The following CCDC102B variants were observed in gnomAD, a reference collection of about 807,000 sequenced individuals.
CCDC102B encodes coiled-coil domain-containing protein 102B.
Under a neutral mutation model 57.4 loss-of-function variants are expected in CCDC102B, and 75 were observed. That is an observed-to-expected ratio of 1.31 (90% CI 1.08 to 1.58). CCDC102B has a LOEUF of 1.58. CCDC102B is among the 40% of genes most tolerant of loss of function. The pLI is 0.00. For synonymous variants in CCDC102B, 206 were observed against 201.9 expected (o/e 1.02, Z -0.17); for missense variants, 636 against 582.6 (o/e 1.09, Z -0.94).
chr18:68,731,849 T>C (rs2032880956), intron 2 of CCDC102B, among the ~76,000 whole-genome samples: 1 of 147,370 alleles, frequency 6.8e-6, no homozygotes, highest in Non-Finnish European at 1.5e-5. Context: ...TCTACTTCAG[T>C]AAAAGTACAG....
chr18:68,805,397 A>T (rs190793714), intron 1 of CCDC102B, among the ~76,000 whole-genome samples: 92 of 152,298 alleles, frequency 6.0e-4, no homozygotes, highest in Middle Eastern at 3.4e-3. Flanking sequence ...TCAAAGCCTG[A>T]TCAAGAGTGT....
At chr18:69,004,933 A>G (rs1322675907) in intron 6 of CCDC102B, among the ~76,000 whole-genome samples, 1 of 152,234 alleles carries the variant, frequency 6.6e-6, no homozygotes, top group African/African-American at 2.4e-5. Flanking sequence ...TAAGACGGAT[A>G]AAATGCTCTT....
intron 1 of CCDC102B, among the ~76,000 whole-genome samples, chr18:68,823,795 C>T (rs1299233652): frequency 2.0e-5 from 3 of 151,856 alleles, no homozygotes; most frequent in Non-Finnish European, 4.4e-5. Flanking sequence ...ATTTGTATTT[C>T]CCTGATGGTT....
chr18:68,917,143 G>A (rs2145095047), intron 6 of CCDC102B, among the ~76,000 whole-genome samples: 1 of 152,174 alleles, frequency 6.6e-6, no homozygotes, highest in East Asian at 1.9e-4. Context: ...GTATCTTTCT[G>A]AGAAAACTGA....
intron 7 of CCDC102B, among the ~76,000 whole-genome samples, chr18:69,011,818 C>CTGTT (rs2051526685): frequency 6.6e-6 from 1 of 151,492 alleles, no homozygotes; most frequent in Non-Finnish European, 1.5e-5. Flanking sequence ...ACCCATAGTT[C>CTGTT]CCTGGTTAGA....
intron 2 of CCDC102B, among the ~76,000 whole-genome samples, chr18:68,736,528 G>A (rs1222018642): frequency 2.6e-5 from 4 of 152,176 alleles, no homozygotes; most frequent in African/African-American, 9.7e-5. Context: ...TCTAATATGA[G>A]ATAAGCATAT....
chr18:68,828,644 A>G (rs1202674415), intron 1 of CCDC102B, among the ~76,000 whole-genome samples: 1 of 151,696 alleles, frequency 6.6e-6, no homozygotes, highest in Non-Finnish European at 1.5e-5. Context: ...AATCAAGCCA[A>G]TAATCTAAGT....
chr18:68,783,577 C>T (rs1278204582), intron 2 of CCDC102B, among the ~76,000 whole-genome samples: 1 of 152,134 alleles, frequency 6.6e-6, no homozygotes, highest in African/African-American at 2.4e-5. Context: ...AGATATTCTA[C>T]CAGATACTTT....
chr18:68,933,195 G>A (rs1179672600), intron 6 of CCDC102B, among the ~76,000 whole-genome samples: 1 of 151,854 alleles, frequency 6.6e-6, no homozygotes, highest in African/African-American at 2.4e-5. Context: ...TGTTAGTGGA[G>A]AATTGGGTTT....
rs770668683 is a variant in CCDC102B, at chr18:69,009,924, A to ATTTTTTTTTTTTTTTT, written c.1264-1000_1264-985dup. 4.1e-3 allele frequency among the ~76,000 whole-genome samples: 137 copies of ATTTTTTTTTTTTTTTT among 33,530 alleles called. 39 individuals carry two copies. Among genetic ancestry groups the ATTTTTTTTTTTTTTTT allele is most frequent in the East Asian group, 0.02 (14 of 710 alleles). 22.0% of individuals were successfully genotyped at this position (33,530 alleles called of 152,430 possible). A position where few individuals can be genotyped will look rare whatever the true frequency, so the allele number is the denominator to read the frequency against. ...CTTTTTCTTTATAGTTTTAATAAAG[A>ATTTTTTTTTTTTTTTT]TTTTTTTTTTTTTTTTTTTTTTTTT... On this transcript the variant is annotated intron_variant, in intron 6 of 7. Transcript: ENST00000360242.
chr18:68,797,502 G>C (rs1011881242), upstream of CCDC102B, among the ~76,000 whole-genome samples: 3 of 151,980 alleles, frequency 2.0e-5, no homozygotes, highest in African/African-American at 7.2e-5. Context: ...TTTTTCCCCA[G>C]GGAAAGGGGC....
chr18:68,865,782 G>C (rs75099678), intron 4 of CCDC102B, among the ~76,000 whole-genome samples: 2,290 of 152,174 alleles, frequency 0.015, 50 homozygotes, highest in African/African-American at 0.052. Context: ...ATTTCAGGTG[G>C]TTTCTAATTT....
chr18:68,992,541 C>T (rs1186186033), intron 6 of CCDC102B, among the ~76,000 whole-genome samples: 2 of 152,130 alleles, frequency 1.3e-5, no homozygotes, highest in Non-Finnish European at 2.9e-5. Flanking sequence ...AGCAGAATAT[C>T]TGGAGATGGA....
At chr18:68,918,567 G>T (rs535866164) in intron 6 of CCDC102B, among the ~76,000 whole-genome samples, 151 of 152,292 alleles carry the variant, frequency 9.9e-4, no homozygotes, top group African/African-American at 3.5e-3. Flanking sequence ...ACCTGCAAAA[G>T]TATAGATTTG....
At chr18:68,896,773 G>C (rs1243556746) in intron 5 of CCDC102B, among the ~76,000 whole-genome samples, 1 of 151,838 alleles carries the variant, frequency 6.6e-6, no homozygotes, top group Non-Finnish European at 1.5e-5. Flanking sequence ...TAGAGAGATA[G>C]AGAGATAGAG....
At chr18:68,976,637 C>T (rs1477017554) in intron 6 of CCDC102B, among the ~76,000 whole-genome samples, 1 of 151,944 alleles carries the variant, frequency 6.6e-6, no homozygotes. Context: ...GGACAAATAA[C>T]TTATACATCC....
chr18:69,019,267 G>A (rs991362774), intron 7 of CCDC102B, among the ~76,000 whole-genome samples: 5 of 151,870 alleles, frequency 3.3e-5, no homozygotes, highest in African/African-American at 1.2e-4. Context: ...AATTTCATAG[G>A]TATTGTATTG....
intron 6 of CCDC102B, among the ~76,000 whole-genome samples, chr18:68,950,277 G>A (rs977794900): frequency 9.9e-5 from 15 of 152,060 alleles, no homozygotes; most frequent in Non-Finnish European, 2.2e-4. Flanking sequence ...AAACAGTTAT[G>A]TGTAGACAGT....
At chr18:68,774,677 A>G (rs1413965357) in intron 2 of CCDC102B, among the ~76,000 whole-genome samples, 1 of 152,060 alleles carries the variant, frequency 6.6e-6, no homozygotes, top group East Asian at 1.9e-4. Flanking sequence ...AACTGAATAC[A>G]TGTTTAAGCT....
Sources: allele counts gnomAD v4.1 joint callset (sites outside exome capture counted in the v4.1 genomes callset), GRCh38; gene constraint gnomAD v4.1.1; transcripts MANE v1.5; gene names NCBI Gene and HGNC (gene_info 2026-07-23, HGNC 2026-07-21).